The following SMARCA2 variants were observed in gnomAD, a reference collection of about 807,000 sequenced individuals.
SMARCA2 encodes SWI/SNF-related matrix-associated actin-dependent regulator of chromatin subfamily A member 2.
A neutral mutation model predicts 199.8 loss-of-function variants in SMARCA2; 61 were observed. The ratio of observed to expected loss-of-function variants is 0.31; its 90% confidence interval spans 0.25 to 0.38. SMARCA2 has a LOEUF of 0.38. Among genes scored for constraint, SMARCA2 ranks in the 10% least tolerant of loss-of-function variants. The pLI, the probability that SMARCA2 is intolerant of heterozygous loss-of-function variation, is 1.00. For synonymous variants in SMARCA2, 935 were observed against 732.0 expected (o/e 1.28, Z -4.48); for missense variants, 1,344 against 2,012.2 (o/e 0.67, Z 6.35).
Position 2,017,642 on chromosome 9 carries a change from T to G in SMARCA2, c.-37+2238T>G, listed in dbSNP as rs1356607923. 6.6e-6 allele frequency: 1 copy of G among 152,120 alleles called. No homozygotes were observed. The highest frequency in any genetic ancestry group is 1.5e-5 in the Non-Finnish European group (1 of 68,100). The allele number at this position is 152,120 out of a possible 1,614,324, so 9.4% of individuals were successfully genotyped here. On this transcript the variant is annotated intron_variant, in intron 1 of 33. Transcript: ENST00000349721. The surrounding 1 kb of genome is among the most constrained non-coding windows in gnomAD (Gnocchi z 8.8). ...ACAGACATGTTTGATTGCCGTGACA[T>G]GACGCGCGCGAGGGAGGAAGCGGCA...
At position 2,056,537 on chromosome 9, in the gene SMARCA2, A is replaced by G. The variant is rs1820362197; in HGVS notation, c.1174-135A>G. On this transcript the variant is annotated intron_variant, in intron 6 of 33. Transcript: ENST00000349721. This position sits in a 1 kb window ranked among gnomAD's most constrained non-coding sequence, Gnocchi z 4.0. Reference sequence around the variant, plus strand: ...TGATTTTAGTTCCTTCATTTAATACAAACCAAAGGTGATTGAGAAGCTTGT... The same window carrying G: ...TGATTTTAGTTCCTTCATTTAATACGAACCAAAGGTGATTGAGAAGCTTGT... The G allele has an allele frequency of 1.4e-6, 1 of 707,286 alleles. No individual in the cohort carries two copies. The highest frequency in any genetic ancestry group is 2.3e-6 in the Non-Finnish European group (1 of 443,560). 43.8% of individuals were successfully genotyped at this position (707,286 alleles called of 1,614,324 possible). A position where few individuals can be genotyped will look rare whatever the true frequency, so the allele number is the denominator to read the frequency against.
intron 27 of SMARCA2, among the ~76,000 whole-genome samples, chr9:2,147,746 C>T (rs1020734868): frequency 2.6e-5 from 4 of 151,378 alleles, no homozygotes; most frequent in African/African-American, 9.7e-5. Flanking sequence ...ACTTGGGAGG[C>T]TGAGGCAGGG....
chr9:2,192,391 C>T (rs1372746267), intron 33 of SMARCA2: 8 of 320,358 alleles, frequency 2.5e-5, no homozygotes, highest in South Asian at 7.9e-5. Context: ...TTTTTTTTCT[C>T]CCATGAATTT....
intron 24 of SMARCA2, among the ~76,000 whole-genome samples, chr9:2,111,203 A>AAG (rs565488252): frequency 3.5e-4 from 53 of 152,132 alleles, no homozygotes; most frequent in Non-Finnish European, 7.1e-4. Flanking sequence ...AGTAAAAATG[A>AAG]AGAGCAGGTG....
chr9:2,177,140 T>A (rs550550927), intron 29 of SMARCA2, among the ~76,000 whole-genome samples: 1 of 152,300 alleles, frequency 6.6e-6, no homozygotes, highest in African/African-American at 2.4e-5. Flanking sequence ...TGATATATAT[T>A]AAACTTCATA....
At chr9:2,061,022 G>A (rs1820567050) in intron 9 of SMARCA2, 36 bp downstream of exon 9, 1 of 1,596,332 alleles carries the variant, frequency 6.3e-7, no homozygotes, top group African/African-American at 1.3e-5. Flanking sequence ...AGTCCAGGGT[G>A]TATGGGCAGG....
At chr9:2,159,839 G>A in intron 27 of SMARCA2, 1 of 1,611,798 alleles carries the variant, frequency 6.2e-7, no homozygotes. Context: ...GCAGCTCGCT[G>A]CTTTGCTGGC....
chr9:2,117,626 G>A (rs1401407208), intron 25 of SMARCA2, among the ~76,000 whole-genome samples: 2 of 152,228 alleles, frequency 1.3e-5, no homozygotes, highest in African/African-American at 2.4e-5. Flanking sequence ...TGTAGGCCTT[G>A]TGAAAATAGT....
At position 2,070,733 on chromosome 9, in the gene SMARCA2, G is replaced by A. The variant is rs558504608; in HGVS notation, c.1746+262G>A. On this transcript the variant is annotated intron_variant, in intron 10 of 33. Transcript: ENST00000349721. ...CAGAATTTTCTGTGCACATATAATC[G>A]TATGTTTACAAATATATAGGATGTG... Among the ~76,000 whole-genome samples, 10 of 152,144 alleles carry A rather than the reference G, an allele frequency of 6.6e-5. No individual in the cohort carries two copies. In the South Asian group the frequency reaches 1.0e-3, roughly 16 times the overall value.
chr9:2,114,787 A>G (rs544963298), intron 24 of SMARCA2, among the ~76,000 whole-genome samples: 2 of 152,350 alleles, frequency 1.3e-5, no homozygotes, highest in African/African-American at 2.4e-5. Flanking sequence ...AGCAAAGTGA[A>G]GAAAGTGAAA....
chr9:2,033,327 C>T, intron 3 of SMARCA2: 1 of 401,396 alleles, frequency 2.5e-6, no homozygotes, highest in Non-Finnish European at 4.4e-6. Context: ...CTGCAAAGAG[C>T]TCTATGTACT....
At chr9:2,177,899 G>A (rs910596516) in intron 29 of SMARCA2, among the ~76,000 whole-genome samples, 2 of 152,128 alleles carry the variant, frequency 1.3e-5, no homozygotes, top group East Asian at 3.9e-4. Flanking sequence ...ATGTCTCTAA[G>A]CTTAAAATAT....
At chr9:2,073,056 C>A in intron 10 of SMARCA2, 156 bp from the exon 11 acceptor site, 1 of 771,442 alleles carries the variant, frequency 1.3e-6, no homozygotes, top group Non-Finnish European at 2.0e-6. Context: ...GGGAGGTAGC[C>A]TCTCACCTCC....
At chr9:2,066,480 TG>T (rs1271051578) in intron 9 of SMARCA2, among the ~76,000 whole-genome samples, 2 of 152,232 alleles carry the variant, frequency 1.3e-5, no homozygotes. Flanking sequence ...GAATTGACGT[TG>T]GCCTTGGAAA....
intron 3 of SMARCA2, among the ~76,000 whole-genome samples, chr9:2,034,824 T>C (rs1443395516): frequency 6.6e-6 from 1 of 152,162 alleles, no homozygotes; most frequent in Non-Finnish European, 1.5e-5. Context: ...GCAGGCATAA[T>C]TGTTGCAGAT....
chr9:2,188,684 TTAATACAACACAAAC>T (rs1342742493), intron 32 of SMARCA2, among the ~76,000 whole-genome samples: 6 of 152,310 alleles, frequency 3.9e-5, no homozygotes, highest in African/African-American at 1.2e-4. Context: ...CTTAGTGACT[TTAATACAACACAAAC>T]TTATTACCTC....
chr9:2,068,591 A>G (rs943463125), intron 9 of SMARCA2, among the ~76,000 whole-genome samples: 4 of 152,214 alleles, frequency 2.6e-5, no homozygotes, highest in African/African-American at 9.6e-5. Flanking sequence ...GTATTATATA[A>G]TCAATATCTT....
intron 28 of SMARCA2, among the ~76,000 whole-genome samples, chr9:2,162,557 C>T (rs1051790383): frequency 6.6e-6 from 1 of 152,182 alleles, no homozygotes; most frequent in East Asian, 1.9e-4. Context: ...GGGTGTCAGT[C>T]AGATCCATAC....
At position 2,169,675 on chromosome 9, in the gene SMARCA2, A is replaced by G. The variant is rs1176088926; in HGVS notation, c.4200-744A>G. Among the ~76,000 whole-genome samples the G allele has an allele frequency of 6.6e-6, 1 of 152,030 alleles. No homozygotes were observed. The highest frequency in any genetic ancestry group is 2.4e-5 in the African/African-American group (1 of 41,394). ...GGGTGCTGTCTACACCTGGAGGGAGATCTAGAGGGTATGGAGGGTCTTCCC... is the reference window on the plus strand; with the variant it reads ...GGGTGCTGTCTACACCTGGAGGGAGGTCTAGAGGGTATGGAGGGTCTTCCC... On this transcript the variant is annotated intron_variant, in intron 28 of 33. Transcript: ENST00000349721. The surrounding 1 kb of genome is among the most constrained non-coding windows in gnomAD (Gnocchi z 6.5).
Sources: gnomAD v4.1 joint callset for allele counts (sites outside exome capture counted in the v4.1 genomes callset) on GRCh38, gnomAD v4.1.1 for gene constraint, Gnocchi (gnomAD v3.1) non-coding constraint, MANE v1.5 for transcripts, NCBI Gene and HGNC (gene_info 2026-07-23, HGNC 2026-07-21) for gene names.